NUGGC: variants seen among roughly 807,000 people sequenced by gnomAD.
NUGGC encodes nuclear GTPase SLIP-GC.
NUGGC carries 58 observed loss-of-function variants against 92.6 expected under a neutral mutation model. The ratio of observed to expected loss-of-function variants is 0.63; its 90% confidence interval spans 0.51 to 0.78. The LOEUF (loss-of-function observed/expected upper bound fraction) is 0.78. Among genes scored for constraint, NUGGC ranks in the 30% least tolerant of loss-of-function variants. The probability of loss-of-function intolerance (pLI) is 0.00; values close to 1 mark genes in which losing one functional copy is unlikely to be tolerated. For synonymous variants in NUGGC, 376 were observed against 366.4 expected (o/e 1.03, Z -0.30); for missense variants, 925 against 964.6 (o/e 0.96, Z 0.54).
intron 10 of NUGGC, among the ~76,000 whole-genome samples, chr8:28,051,966 G>T (rs1810017783): frequency 6.6e-6 from 1 of 151,982 alleles, no homozygotes. Context: ...AAACCAAACT[G>T]GGTCAAGGCA....
chr8:28,069,032 G>A (rs1358507910), intron 4 of NUGGC, among the ~76,000 whole-genome samples: 1 of 152,144 alleles, frequency 6.6e-6, no homozygotes, highest in East Asian at 1.9e-4. Context: ...GACAGAAATT[G>A]TATATTCTTG....
chr8:28,032,374 G>A (rs1809441424), intron 14 of NUGGC, among the ~76,000 whole-genome samples: 1 of 152,162 alleles, frequency 6.6e-6, no homozygotes. Flanking sequence ...AGAGACTATG[G>A]GTGGCTGTAC....
intron 10 of NUGGC, among the ~76,000 whole-genome samples, chr8:28,052,684 T>A (rs2130173368): frequency 6.6e-6 from 1 of 152,306 alleles, no homozygotes; most frequent in East Asian, 1.9e-4. Flanking sequence ...AGATAATAAT[T>A]TTCTGTCGTT....
rs1466307128 is a variant in NUGGC, at chr8:28,022,094, AT to A, written c.*1222del. ...TTTTATATCGTGCAATGTTTTTTCT[AT>A]AATGTTTAAGTTTTTTTATGTATGG... is the stretch of plus-strand genomic sequence containing the variant. On this transcript the variant is annotated 3_prime_UTR_variant, in exon 19 of 19. Transcript: ENST00000413272. The A allele has an allele frequency of 6.7e-6, 1 of 148,644 alleles. No individual in the cohort carries two copies. The highest frequency in any genetic ancestry group is 2.5e-5 in the African/African-American group (1 of 40,356). 9.2% of individuals were successfully genotyped at this position (148,644 alleles called of 1,614,324 possible).
In NUGGC at chr8:28,029,271, G is replaced by C. The variant is rs1232840670; in HGVS notation, c.2149C>G (p.Leu717Val). 8.1e-6 allele frequency: 13 copies of C among 1,604,864 alleles called. No individual in the cohort carries two copies. The highest frequency in any genetic ancestry group is 1.1e-5 in the Non-Finnish European group (13 of 1,175,622). The change falls in exon 17 of 19, where the codon CTG becomes GTG. Residue 717 changes from leucine (L) to valine (V), a missense_variant. By Grantham distance (32) the Leu-to-Val change is conservative. Transcript: ENST00000413272. ...QERMQHQFQQ[L>V]KTGIVEKVKG... ...AGGATGTGGGCATAGAGTACCTTCA[G>C]CTGCTGAAACTGGTGCTGCATCCTT...
chr8:28,076,321 CAG>C (rs1354310857), intron 1 of NUGGC, among the ~76,000 whole-genome samples: 1 of 152,206 alleles, frequency 6.6e-6, no homozygotes, highest in East Asian at 1.9e-4. Flanking sequence ...TTGCTTGTGA[CAG>C]AGTCTTGCTC....
At chr8:28,031,195 A>G in intron 15 of NUGGC, 48 bp downstream of exon 15, 1 of 1,609,862 alleles carries the variant, frequency 6.2e-7, no homozygotes, top group Non-Finnish European at 8.5e-7. Context: ...GCCTGGGAAG[A>G]AAGCCATGCC....
chr8:28,043,279 C>T lies in NUGGC; in HGVS notation c.1447-2064G>A, dbSNP rs76058277. Reference sequence around the variant, plus strand: ...GAAGCTGGCACTTAGTATGAATAAACGCAGACTTCATTTGACATTGAGATG... The same window carrying T: ...GAAGCTGGCACTTAGTATGAATAAATGCAGACTTCATTTGACATTGAGATG... On this transcript the variant is annotated intron_variant, in intron 12 of 18. Coordinates refer to ENST00000413272, the MANE Select transcript of NUGGC (RefSeq NM_001010906.2). 4.9e-3 allele frequency among the ~76,000 whole-genome samples: 747 copies of T among 152,294 alleles called. 5 individuals are homozygous for T. Among genetic ancestry groups the T allele is most frequent in the African/African-American group, 0.017 (707 of 41,558 alleles).
At chr8:28,083,060 A>T (rs1244960608) in intron 1 of NUGGC, among the ~76,000 whole-genome samples, 1 of 152,230 alleles carries the variant, frequency 6.6e-6, no homozygotes, top group East Asian at 1.9e-4. Flanking sequence ...TAGCTACTCC[A>T]TCCTCAAGGA....
intron 5 of NUGGC, among the ~76,000 whole-genome samples, chr8:28,067,945 A>G (rs1315282301): frequency 6.6e-6 from 1 of 152,246 alleles, no homozygotes; most frequent in African/African-American, 2.4e-5. Flanking sequence ...CCCCCTCCCC[A>G]GCTCACTTGA....
At chr8:28,040,970 G>A (rs951982030) in intron 13 of NUGGC, 81 bp downstream of exon 13, 7 of 1,358,320 alleles carry the variant, frequency 5.2e-6, no homozygotes, top group Non-Finnish European at 7.1e-6. Context: ...TCTTTTGAAG[G>A]GAATGGGATG....
chr8:28,024,532 T>G (rs73570954), intron 18 of NUGGC, among the ~76,000 whole-genome samples: 3,126 of 152,272 alleles, frequency 0.021, 118 homozygotes, highest in African/African-American at 0.072. Context: ...CCTCTATCTA[T>G]CCACACATCC....
intron 6 of NUGGC, among the ~76,000 whole-genome samples, chr8:28,066,408 T>C (rs972758277): frequency 2.6e-5 from 4 of 152,218 alleles, no homozygotes; most frequent in South Asian, 2.1e-4. Context: ...GAGGCTCAAG[T>C]ATATTGAACT....
intron 12 of NUGGC, among the ~76,000 whole-genome samples, chr8:28,043,367 A>T (rs749908719): frequency 5.9e-5 from 9 of 152,026 alleles, no homozygotes; most frequent in Non-Finnish European, 1.3e-4. Flanking sequence ...CACTACTCAA[A>T]CTCCAAATTT....
intron 7 of NUGGC, 57 bp downstream of exon 7, chr8:28,064,465 T>G: frequency 5.7e-6 from 8 of 1,400,680 alleles, no homozygotes; most frequent in African/African-American, 1.4e-5. Context: ...CTTTGTTGCT[T>G]GAGAAAGGGT....
chr8:28,047,127 C>T (rs1809859042), intron 11 of NUGGC, among the ~76,000 whole-genome samples: 1 of 152,038 alleles, frequency 6.6e-6, no homozygotes, highest in Non-Finnish European at 1.5e-5. Flanking sequence ...TGCACCACCA[C>T]GCCTGGCAAA....
chr8:28,067,235 A>T (rs1406992092), intron 6 of NUGGC, among the ~76,000 whole-genome samples: 3 of 152,224 alleles, frequency 2.0e-5, no homozygotes, highest in Non-Finnish European at 2.9e-5. Context: ...AAGTCTTCTT[A>T]AAAAATCTTT....
At chr8:28,027,533 G>A (rs774012337) in intron 17 of NUGGC, among the ~76,000 whole-genome samples, 18 of 152,186 alleles carry the variant, frequency 1.2e-4, no homozygotes, top group Non-Finnish European at 2.6e-4. Context: ...CCTGAGAAGT[G>A]TCTTCTTGCT....
chr8:28,079,850 G>T (rs541708363), intron 1 of NUGGC, among the ~76,000 whole-genome samples: 1 of 152,336 alleles, frequency 6.6e-6, no homozygotes, highest in South Asian at 2.1e-4. Flanking sequence ...GTAGCAACTT[G>T]ATAGAATTGT....
Sources: allele counts gnomAD v4.1 joint callset (sites outside exome capture counted in the v4.1 genomes callset), GRCh38; gene constraint gnomAD v4.1.1; transcripts MANE v1.5; gene names NCBI Gene and HGNC (gene_info 2026-07-23, HGNC 2026-07-21).